Variants in TBC1D30 observed in about 807,000 individuals in gnomAD.
The protein encoded by TBC1D30 is TBC1 domain family, member 30.
In TBC1D30, 31 loss-of-function variants were observed where a neutral mutation model predicts 63.2. That is an observed-to-expected ratio of 0.49 (90% CI 0.37 to 0.66). TBC1D30 has a LOEUF of 0.66. Ranked by LOEUF, TBC1D30 falls within the 30% of genes least tolerant of loss-of-function variation. The pLI is 0.00. For missense variants in TBC1D30, 810 were observed against 953.6 expected, an observed-to-expected ratio of 0.85 and a Z score of 1.98; for synonymous variants, 307 against 361.5, an observed-to-expected ratio of 0.85 and a Z score of 1.71.
intron 8 of TBC1D30, among the ~76,000 whole-genome samples, chr12:64,862,443 A>G (rs1404358230): frequency 6.6e-6 from 1 of 152,214 alleles, no homozygotes; most frequent in African/African-American, 2.4e-5. Flanking sequence ...CAATGGAGCT[A>G]GTTTTCTTTT....
chr12:64,796,266 A>T (rs1241386582), intron 2 of TBC1D30, among the ~76,000 whole-genome samples: 5 of 151,876 alleles, frequency 3.3e-5, no homozygotes, highest in African/African-American at 9.7e-5. Flanking sequence ...AGAAATTTTT[A>T]AAAAATGATC....
intron 8 of TBC1D30, among the ~76,000 whole-genome samples, chr12:64,845,738 A>G (rs1455740574): frequency 2.6e-5 from 4 of 151,808 alleles, no homozygotes; most frequent in South Asian, 2.1e-4. Context: ...AAAAAAAAAA[A>G]AAAAAATCGC....
At chr12:64,818,321 T>C (rs1213758644) in intron 2 of TBC1D30, 1 of 847,244 alleles carries the variant, frequency 1.2e-6, no homozygotes, top group Non-Finnish European at 1.4e-6. Flanking sequence ...CATTGCAACA[T>C]ATATAATACT....
At chr12:64,807,635 T>C (rs1456355137) in intron 2 of TBC1D30, among the ~76,000 whole-genome samples, 1 of 152,218 alleles carries the variant, frequency 6.6e-6, no homozygotes, top group African/African-American at 2.4e-5. Flanking sequence ...TTTCCTAATA[T>C]GCCATTCGTG....
upstream of TBC1D30, among the ~76,000 whole-genome samples, chr12:64,776,559 A>T (rs1296787525): frequency 1.3e-5 from 2 of 152,204 alleles, no homozygotes; most frequent in Admixed American, 6.5e-5. Flanking sequence ...CTGAGCCAGG[A>T]AGAAATTCAG....
intron 8 of TBC1D30, 125 bp from the exon 9 acceptor site, chr12:64,864,543 G>A (rs1878054008): frequency 3.3e-6 from 2 of 610,804 alleles, no homozygotes; most frequent in Non-Finnish European, 5.7e-6. Context: ...CTCTCCACCT[G>A]CTGTGTAAGG....
rs533685700 is a variant in TBC1D30, at chr12:64,875,148, T to A, written c.1646T>A (p.Ile549Lys). 6.5e-7 allele frequency: 1 copy of A among 1,536,136 alleles called. No individual in the cohort carries two copies. Among genetic ancestry groups the A allele is most frequent in the East Asian group, 2.4e-5 (1 of 40,894 alleles). The part of the protein sequence containing the change: ...IHIPGHTGGK[I>K]SPVPYEDLKT... Reference sequence around the variant, plus strand: ...ATCCCTGGTCACACAGGAGGGAAAATATCTCCTGTCCCCTACGAAGACCTT... The same window carrying A: ...ATCCCTGGTCACACAGGAGGGAAAAAATCTCCTGTCCCCTACGAAGACCTT... Residue 549 changes from isoleucine to lysine, a missense_variant, in exon 12 of 12, where the codon ATA becomes AAA. By Grantham distance (102) the Ile-to-Lys change is moderately radical. This residue lies in a region of TBC1D30 where 450 missense variants were observed against 473.0 expected (regional missense o/e 0.95). Transcript: ENST00000539867.
chr12:64,868,286 T>C (rs1036994094), intron 10 of TBC1D30: 1 of 157,504 alleles, frequency 6.3e-6, no homozygotes, highest in African/African-American at 2.4e-5. Context: ...ATGAAATGTA[T>C]GGTTCTCCAA....
chr12:64,811,530 C>T (rs934775532), intron 2 of TBC1D30, among the ~76,000 whole-genome samples: 12 of 152,168 alleles, frequency 7.9e-5, no homozygotes, highest in African/African-American at 2.9e-4. Flanking sequence ...AGATTTCTCC[C>T]GGATGAGTTA....
chr12:64,785,147 C>CTTTTTTTTTTTTTTTTTTTT (rs3033154), intron 1 of TBC1D30, among the ~76,000 whole-genome samples: 1 of 134,844 alleles, frequency 7.4e-6, no homozygotes, highest in Non-Finnish European at 1.6e-5. Flanking sequence ...ACTTTAAAGA[C>CTTTTTTTTTTTTTTTTTTTT]TTTTTTTTTT....
At chr12:64,796,508 C>T (rs1872282392) in intron 2 of TBC1D30, among the ~76,000 whole-genome samples, 1 of 151,932 alleles carries the variant, frequency 6.6e-6, no homozygotes, top group Non-Finnish European at 1.5e-5. Flanking sequence ...GGTAAGACAG[C>T]CTTTAAGACT....
chr12:64,784,894 G>A (rs760284050), intron 1 of TBC1D30, among the ~76,000 whole-genome samples: 1 of 151,710 alleles, frequency 6.6e-6, no homozygotes, highest in Non-Finnish European at 1.5e-5. Context: ...CTGCTGTTGT[G>A]AATATTAGTT....
At position 64,876,637 on chromosome 12, in the gene TBC1D30, A is replaced by G; in HGVS notation, c.*849A>G. ...GCCTGCATCCCCCACCACACAGCTC[A>G]CTCACCCACCAGCTCTAGACTGCAG... On this transcript the variant is annotated 3_prime_UTR_variant, in exon 12 of 12. Coordinates refer to ENST00000539867, the MANE Select transcript of TBC1D30 (RefSeq NM_015279.2). The G allele has an allele frequency of 5.3e-6, 2 of 377,128 alleles. 1 individual carries two copies. The highest frequency in any genetic ancestry group is 4.0e-5 in the South Asian group (2 of 50,600). 23.4% of individuals were successfully genotyped at this position (377,128 alleles called of 1,614,324 possible).
intron 5 of TBC1D30, among the ~76,000 whole-genome samples, chr12:64,834,173 T>A (rs1875118949): frequency 6.6e-6 from 1 of 152,262 alleles, no homozygotes; most frequent in African/African-American, 2.4e-5. Flanking sequence ...ACATTTAATA[T>A]GCAGAGGAAG....
intron 11 of TBC1D30, among the ~76,000 whole-genome samples, chr12:64,871,200 C>T (rs899215623): frequency 2.6e-5 from 4 of 152,020 alleles, no homozygotes; most frequent in Non-Finnish European, 5.9e-5. Context: ...AAGCTGTATA[C>T]TAGTCATTTA....
chr12:64,804,092 AT>A (rs1328602551), intron 2 of TBC1D30, among the ~76,000 whole-genome samples: 1 of 152,132 alleles, frequency 6.6e-6, no homozygotes, highest in East Asian at 1.9e-4. Context: ...CAGTATGGTC[AT>A]TTTCACAATA....
chr12:64,830,808 A>G (rs576204061), intron 4 of TBC1D30, among the ~76,000 whole-genome samples: 1 of 152,224 alleles, frequency 6.6e-6, no homozygotes. Context: ...CTGGATTTTT[A>G]TATAAAAGTC....
At chr12:64,870,480 T>C (rs1878566276) in intron 10 of TBC1D30, 122 bp from the exon 11 acceptor site, 1 of 764,032 alleles carries the variant, frequency 1.3e-6, no homozygotes, top group Admixed American at 2.6e-5. Context: ...TATGCGTTTT[T>C]TTCTGTGGTT....
At chr12:64,844,277 A>G (rs984502519) in intron 8 of TBC1D30, among the ~76,000 whole-genome samples, 1 of 152,308 alleles carries the variant, frequency 6.6e-6, no homozygotes, top group Non-Finnish European at 1.5e-5. Flanking sequence ...ATGGCATGTT[A>G]CTGTACGTCA....
Sources: gnomAD v4.1 joint callset for allele counts (sites outside exome capture counted in the v4.1 genomes callset) on GRCh38, gnomAD v4.1.1 for gene constraint, gnomAD v4.1.1 regional missense constraint, MANE v1.5 for transcripts, NCBI Gene and HGNC (gene_info 2026-07-23, HGNC 2026-07-21) for gene names.